MCPH1: variants seen among roughly 807,000 people sequenced by gnomAD.
The protein encoded by MCPH1 is microcephalin 1.
Under a neutral mutation model 84.5 loss-of-function variants are expected in MCPH1, and 104 were observed. That is an observed-to-expected ratio of 1.23 (90% CI 1.05 to 1.45). The LOEUF (loss-of-function observed/expected upper bound fraction) is 1.45. MCPH1 is among the 40% of genes most tolerant of loss of function. The pLI, the probability that MCPH1 is intolerant of heterozygous loss-of-function variation, is 0.00. For synonymous variants in MCPH1, 514 were observed against 366.8 expected (o/e 1.40, Z -4.58); for missense variants, 1,498 against 1,005.7 (o/e 1.49, Z -6.62).
At chr8:6,578,872 A>G (rs893096611) in intron 12 of MCPH1, among the ~76,000 whole-genome samples, 3 of 152,178 alleles carry the variant, frequency 2.0e-5, no homozygotes, top group Admixed American at 6.5e-5. Flanking sequence ...TTGGGAGCAC[A>G]GGTTGCTTCT....
chr8:6,635,951 T>C (rs1195488260), intron 13 of MCPH1, among the ~76,000 whole-genome samples: 2 of 152,236 alleles, frequency 1.3e-5, no homozygotes, highest in Non-Finnish European at 2.9e-5. Context: ...AGCACGTAAG[T>C]CTTCACTGTG....
At chr8:6,511,855 A>G (rs1815182878) in intron 12 of MCPH1, among the ~76,000 whole-genome samples, 1 of 152,114 alleles carries the variant, frequency 6.6e-6, no homozygotes, top group Non-Finnish European at 1.5e-5. Context: ...CCATTTTGTA[A>G]AAATCTTTTT....
intron 4 of MCPH1, among the ~76,000 whole-genome samples, chr8:6,433,532 C>G (rs1225629770): frequency 6.8e-6 from 1 of 147,848 alleles, no homozygotes; most frequent in East Asian, 2.0e-4. Context: ...ACTCAGGAGG[C>G]TGAGGCAGGA....
intron 12 of MCPH1, among the ~76,000 whole-genome samples, chr8:6,518,421 T>C (rs946595282): frequency 6.6e-6 from 1 of 152,222 alleles, no homozygotes; most frequent in African/African-American, 2.4e-5. Flanking sequence ...TTCCCTGTTG[T>C]ATGGCTTCTA....
intron 8 of MCPH1, among the ~76,000 whole-genome samples, chr8:6,452,034 C>A (rs1374685768): frequency 6.6e-6 from 1 of 152,144 alleles, no homozygotes; most frequent in Non-Finnish European, 1.5e-5. Context: ...ATTTCTTCGG[C>A]CTTAGCTCTA....
Position 6,505,331 on chromosome 8 carries a change from A to ATG in MCPH1, c.2214+5403_2214+5404insGT, listed in dbSNP as rs1563306161. Among the ~76,000 whole-genome samples the ATG allele has an allele frequency of 5.8e-3, 337 of 57,688 alleles. 59 individuals are homozygous for ATG. Among genetic ancestry groups the ATG allele is most frequent in the African/African-American group, 0.033 (327 of 9,788 alleles). 37.8% of individuals were successfully genotyped at this position (57,688 alleles called of 152,430 possible). ...TATAACATATATATGTTATATACAT[A>ATG]TAGAAAGAATATATATATTCTTTCT... is the stretch of plus-strand genomic sequence containing the variant. On this transcript the variant is annotated intron_variant, in intron 12 of 13. Transcript: ENST00000344683.
At chr8:6,508,713 C>T in intron 12 of MCPH1, 2 of 647,504 alleles carry the variant, frequency 3.1e-6, no homozygotes, top group Admixed American at 2.9e-5. Context: ...TGAGGAGACA[C>T]AGTTGGCTTG....
chr8:6,637,449 AG>A (rs1797637503), intron 13 of MCPH1, among the ~76,000 whole-genome samples: 1 of 152,186 alleles, frequency 6.6e-6, no homozygotes, highest in African/African-American at 2.4e-5. Context: ...CGGTAAGTTT[AG>A]CGTGGCTGAA....
At chr8:6,454,703 C>T (rs140254129) in intron 8 of MCPH1, among the ~76,000 whole-genome samples, 3 of 152,090 alleles carry the variant, frequency 2.0e-5, no homozygotes, top group African/African-American at 2.4e-5. Context: ...TAGGTTGAAG[C>T]CTGAAGCTCT....
At chr8:6,598,297 G>A (rs1829081024) in intron 12 of MCPH1, among the ~76,000 whole-genome samples, 1 of 152,180 alleles carries the variant, frequency 6.6e-6, no homozygotes, top group Non-Finnish European at 1.5e-5. Context: ...CACATGCCAA[G>A]CTTTTCAGAG....
Position 6,496,520 on chromosome 8 carries a change from C to A in MCPH1, c.2137-3332C>A, listed in dbSNP as rs1011573511. On this transcript the variant is annotated intron_variant, in intron 11 of 13. Transcript: ENST00000344683. ...TGTTGACTTTCGCCACACGGAAGCC[C>A]CCCCGCCCCCCTTCCCCCGCCTTTT... 3.3e-5 allele frequency among the ~76,000 whole-genome samples: 5 copies of A among 151,586 alleles called. No homozygotes were observed. In the South Asian group the frequency reaches 1.0e-3, roughly 32 times the overall value.
rs527941641 is a variant in MCPH1 at position 6,415,028 on chromosome 8, C to G, written c.233+145C>G. 60 of 777,880 alleles carry G rather than the reference C, an allele frequency of 7.7e-5. No homozygotes were observed. The South Asian group carries it at 9.6e-4, about 12-fold the overall frequency. 48.2% of individuals were successfully genotyped at this position (777,880 alleles called of 1,614,324 possible). On this transcript the variant is annotated intron_variant, in intron 3 of 13. Transcript: ENST00000344683. ...ACCTCACCTAGTAATTTGAAATCCT[C>G]CAGCCTCAATTTCTGTGGTTCAAAA...
At chr8:6,588,270 C>G (rs570406985) in intron 12 of MCPH1, among the ~76,000 whole-genome samples, 1 of 152,264 alleles carries the variant, frequency 6.6e-6, no homozygotes, top group Non-Finnish European at 1.5e-5. Context: ...CAGAGCCAGG[C>G]CAGCCCAGCA....
intron 12 of MCPH1, among the ~76,000 whole-genome samples, chr8:6,587,865 A>G (rs572175047): frequency 1.3e-5 from 2 of 152,290 alleles, no homozygotes; most frequent in East Asian, 3.9e-4. Context: ...TCCTGACTCT[A>G]TTGGTGATGC....
chr8:6,610,867 A>C (rs1473651682), intron 12 of MCPH1, among the ~76,000 whole-genome samples: 1 of 152,128 alleles, frequency 6.6e-6, no homozygotes, highest in Non-Finnish European at 1.5e-5. Context: ...TTGTTCTTTC[A>C]AGAACTGTTT....
intron 12 of MCPH1, among the ~76,000 whole-genome samples, chr8:6,505,821 A>G (rs1490290245): frequency 7.2e-6 from 1 of 139,682 alleles, no homozygotes; most frequent in Admixed American, 7.3e-5. Flanking sequence ...TTATATATGT[A>G]TATATAAAAA....
At chr8:6,624,132 C>T (rs1831806889) in intron 13 of MCPH1, among the ~76,000 whole-genome samples, 1 of 152,354 alleles carries the variant, frequency 6.6e-6, no homozygotes, top group Middle Eastern at 3.4e-3. Context: ...TCGGCTCTCC[C>T]GCCCGTGGGT....
chr8:6,627,093 T>C (rs1796785255), intron 13 of MCPH1: 3 of 985,378 alleles, frequency 3.0e-6, no homozygotes, highest in Non-Finnish European at 3.6e-6. Flanking sequence ...TCCGATAGCA[T>C]GCAGGCCTTC....
chr8:6,462,944 T>G (rs1287513923), intron 9 of MCPH1, among the ~76,000 whole-genome samples: 1 of 152,180 alleles, frequency 6.6e-6, no homozygotes, highest in Middle Eastern at 3.2e-3. Context: ...CTTACCTGCC[T>G]CCTCTTTGCC....
Sources: gnomAD v4.1 joint callset for allele counts (sites outside exome capture counted in the v4.1 genomes callset) on GRCh38, gnomAD v4.1.1 for gene constraint, MANE v1.5 for transcripts, NCBI Gene and HGNC (gene_info 2026-07-23, HGNC 2026-07-21) for gene names.